The following HMGA2 variants were observed in gnomAD, a reference collection of about 807,000 sequenced individuals.
The protein encoded by HMGA2 is high mobility group protein HMGI-C.
Under a neutral mutation model 19.1 loss-of-function variants are expected in HMGA2, and 8 were observed. The ratio of observed to expected loss-of-function variants is 0.42; its 90% CI spans 0.25 to 0.76. HMGA2 has a LOEUF of 0.76. HMGA2 is among the 30% of genes least tolerant of loss of function. The pLI is 0.28. For synonymous variants in HMGA2, 60 were observed against 48.8 expected (o/e 1.23, Z -0.96); for missense variants, 109 against 136.3 (o/e 0.80, Z 1.00).
intron 2 of HMGA2, among the ~76,000 whole-genome samples, chr12:65,831,882 C>G (rs1870493917): frequency 6.6e-6 from 1 of 151,932 alleles, no homozygotes; most frequent in Non-Finnish European, 1.5e-5. Context: ...AAAGGAGAAA[C>G]CAAAGACATT....
intron 3 of HMGA2, chr12:65,881,564 A>G: frequency 1.7e-6 from 1 of 596,734 alleles, no homozygotes; most frequent in South Asian, 2.0e-5. Context: ...AAGTAATGGA[A>G]AGATCCAGTT....
intron 3 of HMGA2, among the ~76,000 whole-genome samples, chr12:65,891,400 A>C (rs1355311019): frequency 6.6e-6 from 1 of 152,162 alleles, no homozygotes; most frequent in Non-Finnish European, 1.5e-5. Flanking sequence ...CATGATGTTG[A>C]ACTACAATAA....
chr12:65,870,305 T>C (rs561059445), intron 3 of HMGA2, among the ~76,000 whole-genome samples: 2 of 152,210 alleles, frequency 1.3e-5, no homozygotes, highest in East Asian at 3.9e-4. Flanking sequence ...GTTTTCGAAA[T>C]ATTTTTGCCA....
intron 3 of HMGA2, among the ~76,000 whole-genome samples, chr12:65,943,882 G>C (rs1004683379): frequency 6.6e-6 from 1 of 152,182 alleles, no homozygotes; most frequent in African/African-American, 2.4e-5. Context: ...TAGGTTCAGA[G>C]AAAACCCTGA....
At chr12:65,908,917 C>T (rs1874721369) in intron 3 of HMGA2, among the ~76,000 whole-genome samples, 1 of 152,162 alleles carries the variant, frequency 6.6e-6, no homozygotes, top group Non-Finnish European at 1.5e-5. Flanking sequence ...ACCTTTACAA[C>T]ATATATCCTA....
chr12:65,861,813 T>TGAA (rs1257218290), intron 3 of HMGA2, among the ~76,000 whole-genome samples: 1 of 151,376 alleles, frequency 6.6e-6, no homozygotes, highest in Non-Finnish European at 1.5e-5. Flanking sequence ...AACATATTTT[T>TGAA]GAAAAAAAAA....
At chr12:65,909,658 C>A (rs1446412277) in intron 3 of HMGA2, among the ~76,000 whole-genome samples, 3 of 152,118 alleles carry the variant, frequency 2.0e-5, no homozygotes, top group African/African-American at 7.2e-5. Flanking sequence ...CTAATTTAAC[C>A]AAAAACCATC....
At chr12:65,881,863 C>T (rs1309916519) in intron 3 of HMGA2, 9 of 702,924 alleles carry the variant, frequency 1.3e-5, no homozygotes, top group Non-Finnish European at 2.1e-5. Context: ...TTTTCCCTTG[C>T]ACTCAGAGGT....
chr12:65,943,581 A>C (rs1876163226), intron 3 of HMGA2, among the ~76,000 whole-genome samples: 1 of 152,320 alleles, frequency 6.6e-6, no homozygotes, highest in Non-Finnish European at 1.5e-5. Flanking sequence ...TGTCTTTTGC[A>C]TTAAAGTCTA....
intron 4 of HMGA2, chr12:65,952,275 T>G (rs1209051896): frequency 1.0e-6 from 1 of 981,910 alleles, no homozygotes; most frequent in African/African-American, 1.6e-5. Context: ...TAAGTAGAAC[T>G]CTTTCATGTA....
intron 3 of HMGA2, among the ~76,000 whole-genome samples, chr12:65,899,091 T>C (rs932003059): frequency 4.8e-5 from 7 of 146,426 alleles, no homozygotes; most frequent in South Asian, 4.4e-4. Flanking sequence ...AACTGGGGCT[T>C]AGGGAGGTTC....
intron 3 of HMGA2, among the ~76,000 whole-genome samples, chr12:65,840,091 C>G (rs1265843157): frequency 1.3e-5 from 2 of 152,010 alleles, no homozygotes; most frequent in African/African-American, 4.8e-5. Context: ...CATGTTTGTT[C>G]GTTAATCTTT....
At chr12:65,963,020 G>A (rs1178185725) in intron 4 of HMGA2, among the ~76,000 whole-genome samples, 1 of 152,114 alleles carries the variant, frequency 6.6e-6, no homozygotes, top group Non-Finnish European at 1.5e-5. Context: ...ATGATGTCAA[G>A]CCTTAAGTCA....
chr12:65,824,970 A>C lies in HMGA2; in HGVS notation c.-301A>C. On this transcript the variant is annotated 5_prime_UTR_variant, in exon 1 of 5. Coordinates refer to ENST00000403681, the MANE Select transcript of HMGA2 (RefSeq NM_003483.6). ...CCCTCGCTTCCCTCCTCCTCTTGCT[A>C]CCTCCACCTCCACCGCCACCTCCAC... is the stretch of plus-strand genomic sequence containing the variant. 2 of 382,426 alleles carry C rather than the reference A, an allele frequency of 5.2e-6. No homozygotes were observed. The highest frequency in any genetic ancestry group is 9.4e-6 in the Non-Finnish European group (2 of 213,394). 23.7% of individuals were successfully genotyped at this position (382,426 alleles called of 1,614,324 possible).
At chr12:65,878,659 C>T (rs1305721915) in intron 3 of HMGA2, among the ~76,000 whole-genome samples, 1 of 152,130 alleles carries the variant, frequency 6.6e-6, no homozygotes, top group African/African-American at 2.4e-5. Context: ...TTGCTTTTTT[C>T]CCAACTTGGA....
intron 3 of HMGA2, among the ~76,000 whole-genome samples, chr12:65,841,400 C>G (rs145235494): frequency 4.7e-4 from 72 of 152,298 alleles, no homozygotes; most frequent in African/African-American, 1.7e-3. Context: ...AGTTGTTCTA[C>G]TGAGAAGAGG....
chr12:65,830,205 T>A (rs912979155), intron 2 of HMGA2, among the ~76,000 whole-genome samples: 1 of 152,004 alleles, frequency 6.6e-6, no homozygotes, highest in African/African-American at 2.4e-5. Flanking sequence ...TGAATGACAT[T>A]GATGAATCGT....
intron 3 of HMGA2, among the ~76,000 whole-genome samples, chr12:65,946,727 T>G (rs1261630302): frequency 6.6e-6 from 1 of 152,170 alleles, no homozygotes; most frequent in Non-Finnish European, 1.5e-5. Context: ...TCTTAATTAT[T>G]CTGAAATAGG....
At chr12:65,845,995 T>C (rs1871219139) in intron 3 of HMGA2, among the ~76,000 whole-genome samples, 1 of 152,104 alleles carries the variant, frequency 6.6e-6, no homozygotes, top group Non-Finnish European at 1.5e-5. Context: ...CTCCACCAGA[T>C]GGGGGGCAGG....
Sources: gnomAD v4.1 joint callset for allele counts (sites outside exome capture counted in the v4.1 genomes callset) on GRCh38, gnomAD v4.1.1 for gene constraint, MANE v1.5 for transcripts, NCBI Gene and HGNC (gene_info 2026-07-23, HGNC 2026-07-21) for gene names.